Variants in SOS2 observed in about 807,000 individuals in gnomAD.
SOS2 encodes son of sevenless homolog 2.
A neutral mutation model predicts 148.2 loss-of-function variants in SOS2; 65 were observed. That is an observed-to-expected ratio of 0.44 (90% CI 0.36 to 0.54). The LOEUF (loss-of-function observed/expected upper bound fraction) is 0.54. Ranked by LOEUF, SOS2 falls within the 20% of genes least tolerant of loss-of-function variation. SOS2 has a pLI of 0.00. For synonymous variants in SOS2, 539 were observed against 537.1 expected, an observed-to-expected ratio of 1.00 and a Z score of -0.05; for missense variants, 1,341 against 1,590.2, an observed-to-expected ratio of 0.84 and a Z score of 2.67.
chr14:50,226,714 A>G (rs985511383), intron 1 of SOS2, among the ~76,000 whole-genome samples: 8 of 152,252 alleles, frequency 5.3e-5, no homozygotes, highest in African/African-American at 1.7e-4. Context: ...GCAAGAAAAC[A>G]GCCATGTTCT....
At position 50,118,143 on chromosome 14, in the gene SOS2, A is replaced by G. The variant is rs1883351813; in HGVS notation, c.*201T>C. 5.5e-6 allele frequency: 3 copies of G among 548,452 alleles called. No homozygotes were observed. The highest frequency in any genetic ancestry group is 3.8e-5 in the African/African-American group (2 of 52,778). 34.0% of individuals were successfully genotyped at this position (548,452 alleles called of 1,614,324 possible). A position where few individuals can be genotyped will look rare whatever the true frequency, so the allele number is the denominator to read the frequency against. ...AGCACTGAGGATCCAAGACAAGGCA[A>G]TGCTACTGATCACCTGAGGATAATG... On this transcript the variant is annotated 3_prime_UTR_variant, in exon 23 of 23. Coordinates refer to ENST00000216373, the MANE Select transcript of SOS2 (RefSeq NM_006939.4).
chr14:50,147,890 G>C (rs1206762858), intron 14 of SOS2, among the ~76,000 whole-genome samples: 2 of 152,172 alleles, frequency 1.3e-5, no homozygotes, highest in African/African-American at 4.8e-5. Flanking sequence ...GGAGGCCAAG[G>C]CAGGAGGACT....
chr14:50,173,743 T>C lies in SOS2; in HGVS notation c.1068+711A>G, dbSNP rs896065927. On this transcript the variant is annotated intron_variant, in intron 8 of 22. Transcript: ENST00000216373. Reference sequence around the variant, plus strand: ...GCAGTAGTCAGCTTTTATCCACAAATAGATGAGCAACTTCATTGTGTAAGT... The same window carrying C: ...GCAGTAGTCAGCTTTTATCCACAAACAGATGAGCAACTTCATTGTGTAAGT... 7.2e-5 allele frequency among the ~76,000 whole-genome samples: 11 copies of C among 152,228 alleles called. No homozygotes were observed. In the South Asian group the frequency reaches 1.7e-3, roughly 23 times the overall value.
intron 14 of SOS2, among the ~76,000 whole-genome samples, chr14:50,148,642 C>A (rs999012099): frequency 3.3e-5 from 5 of 152,070 alleles, no homozygotes; most frequent in Admixed American, 3.3e-4. Flanking sequence ...AACAAAGCTA[C>A]CTGGATTCTA....
At position 50,133,242 on chromosome 14, in the gene SOS2, C is replaced by CTTTTTTTTTTTTTTTTT. The variant is rs753590435; in HGVS notation, c.3075+880_3075+881insAAAAAAAAAAAAAAAAA. ...TTTCCATGAACTTTTTTTCTTTTTT[C>CTTTTTTTTTTTTTTTTT]TTTTTTCTTTTTTTTTTTTTTTGAG... On this transcript the variant is annotated intron_variant, in intron 19 of 22. Coordinates refer to ENST00000216373, the MANE Select transcript of SOS2 (RefSeq NM_006939.4). Among the ~76,000 whole-genome samples the CTTTTTTTTTTTTTTTTT allele has an allele frequency of 3.0e-3, 235 of 78,790 alleles. 20 individuals carry two copies. The Middle Eastern group carries it at 0.038, about 13-fold the overall frequency. 51.7% of individuals were successfully genotyped at this position (78,790 alleles called of 152,430 possible).
intron 13 of SOS2, among the ~76,000 whole-genome samples, chr14:50,150,637 T>A (rs1884630946): frequency 6.6e-6 from 1 of 151,852 alleles, no homozygotes; most frequent in Non-Finnish European, 1.5e-5. Context: ...TCTCAACTTA[T>A]TGCAACTTCC....
chr14:50,126,158 C>T (rs1455378968), intron 21 of SOS2, among the ~76,000 whole-genome samples: 1 of 152,112 alleles, frequency 6.6e-6, no homozygotes, highest in Non-Finnish European at 1.5e-5. Context: ...ATATGAAAGA[C>T]AAGAGACTAC....
chr14:50,153,212 A>C, intron 12 of SOS2, 39 bp from the exon 13 acceptor site: 4 of 1,132,626 alleles, frequency 3.5e-6, no homozygotes, highest in Non-Finnish European at 5.3e-6. Context: ...GTGAAACATA[A>C]GTGTTCAATT....
Position 50,160,007 on chromosome 14 carries a change from T to C in SOS2, c.1276A>G (p.Asn426Asp). 1.2e-6 allele frequency: 2 copies of C among 1,614,112 alleles called. No individual in the cohort carries two copies. The highest frequency in any genetic ancestry group is 2.2e-5 in the South Asian group (2 of 91,078). ...AIKKMNEIQK[N>D]IDGWEGKDIG... is the part of the protein sequence containing the mutation. ...TCTTTGCCTTCCCATCCATCGATATTTTTCTGAATTTCATTCATTTTTTTG... is the reference window on the plus strand; with the variant it reads ...TCTTTGCCTTCCCATCCATCGATATCTTTCTGAATTTCATTCATTTTTTTG... The change falls in exon 10 of 23, where the codon AAT becomes GAT. Residue 426 changes from asparagine (N) to aspartate (D), a missense_variant. Physicochemically the swap from Asn to Asp is conservative, Grantham distance 23. Around this residue, in one of 4 missense-constraint regions of SOS2, gnomAD observed 574 missense variants for 711.1 expected, o/e 0.81. Transcript: ENST00000216373.
chr14:50,189,073 A>ACC (rs1159219884), intron 4 of SOS2, among the ~76,000 whole-genome samples: 8 of 149,736 alleles, frequency 5.3e-5, no homozygotes, highest in African/African-American at 2.0e-4. Context: ...ACACACACAC[A>ACC]CACACACACA....
chr14:50,161,736 C>A, intron 8 of SOS2, 127 bp from the exon 9 acceptor site: 1 of 751,744 alleles, frequency 1.3e-6, no homozygotes, highest in Non-Finnish European at 2.0e-6. Flanking sequence ...TTAATAAAAA[C>A]AGCTATAATT....
chr14:50,197,137 G>A (rs1189509693), intron 4 of SOS2, among the ~76,000 whole-genome samples: 1 of 152,094 alleles, frequency 6.6e-6, no homozygotes, highest in Non-Finnish European at 1.5e-5. Context: ...ACAGGCATGA[G>A]CCACGGTGCC....
chr14:50,134,709 C>G (rs1884015674), intron 18 of SOS2, among the ~76,000 whole-genome samples: 1 of 152,114 alleles, frequency 6.6e-6, no homozygotes. Context: ...CATTCTTGAT[C>G]ATTTATAATT....
intron 21 of SOS2, among the ~76,000 whole-genome samples, chr14:50,126,532 A>C (rs1227355790): frequency 6.6e-6 from 1 of 152,198 alleles, no homozygotes; most frequent in Non-Finnish European, 1.5e-5. Flanking sequence ...TATTATCCTA[A>C]GAGAGATAAG....
At position 50,188,619 on chromosome 14, in the gene SOS2, T is replaced by A. The variant is rs753283972; in HGVS notation, c.592A>T (p.Asn198Tyr). 4.3e-6 allele frequency: 7 copies of A among 1,610,716 alleles called. No homozygotes were observed. Among genetic ancestry groups the A allele is most frequent in the Non-Finnish European group, 5.9e-6 (7 of 1,177,918 alleles). ...TCAGTTCTGACAAGATCATAGTAGT[T>A]TAATTCACCAGAAGAACTAGGTTCA... ...EDEPSSSGEL[N>Y]YYDLVRTEIA... Residue 198 changes from asparagine to tyrosine, a missense_variant, in exon 5 of 23, where the codon AAC becomes TAC. Physicochemically the swap from Asn to Tyr is moderately radical, Grantham distance 143. Around this residue, in one of 4 missense-constraint regions of SOS2, gnomAD observed 574 missense variants for 711.1 expected, o/e 0.81. Transcript: ENST00000216373.
chr14:50,121,191 A>T (rs1432854960), intron 21 of SOS2, among the ~76,000 whole-genome samples: 2 of 152,204 alleles, frequency 1.3e-5, no homozygotes, highest in Admixed American at 1.3e-4. Flanking sequence ...TAACTACATT[A>T]AAGGAAATTT....
At chr14:50,185,067 T>C (rs1026610806) in intron 5 of SOS2, among the ~76,000 whole-genome samples, 4 of 152,096 alleles carry the variant, frequency 2.6e-5, no homozygotes, top group Non-Finnish European at 4.4e-5. Context: ...TCCTTCATAA[T>C]AAACTGGTAA....
At chr14:50,137,322 T>C (rs544393499) in intron 18 of SOS2, among the ~76,000 whole-genome samples, 1 of 152,312 alleles carries the variant, frequency 6.6e-6, no homozygotes, top group Non-Finnish European at 1.5e-5. Context: ...CCTTTTCCTA[T>C]TTAAACACAC....
At position 50,220,126 on chromosome 14, in the gene SOS2, C is replaced by T. The variant is rs188826390; in HGVS notation, c.87+11071G>A. 1.1e-4 allele frequency among the ~76,000 whole-genome samples: 17 copies of T among 149,560 alleles called. No individual in the cohort carries two copies. The East Asian group carries it at 2.4e-3, about 21-fold the overall frequency. On this transcript the variant is annotated intron_variant, in intron 1 of 22. Coordinates refer to ENST00000216373, the MANE Select transcript of SOS2 (RefSeq NM_006939.4). Reference sequence around the variant, plus strand: ...AGAACAGACCCTGCATTGGGCCAGGCGCGGTGGCTCACGCCTGTAATCCCA... The same window carrying T: ...AGAACAGACCCTGCATTGGGCCAGGTGCGGTGGCTCACGCCTGTAATCCCA...
Sources: gnomAD v4.1 joint callset for allele counts (sites outside exome capture counted in the v4.1 genomes callset) on GRCh38, gnomAD v4.1.1 for gene constraint, gnomAD v4.1.1 regional missense constraint, MANE v1.5 for transcripts, NCBI Gene and HGNC (gene_info 2026-07-23, HGNC 2026-07-21) for gene names.